Variants in IGFL2 observed in about 807,000 individuals in gnomAD.
IGFL2 encodes insulin growth factor-like family member 2.
IGFL2 carries 7 observed loss-of-function variants against 13.9 expected under a neutral mutation model. The ratio of observed to expected loss-of-function variants is 0.51; its 90% CI spans 0.29 to 0.95. The LOEUF (loss-of-function observed/expected upper bound fraction) is 0.95, where lower values mean the gene tolerates loss of function less well. Ranked by LOEUF, IGFL2 falls within the 40% of genes least tolerant of loss-of-function variation. The pLI is 0.08. For synonymous variants in IGFL2, 55 were observed against 55.8 expected, an observed-to-expected ratio of 0.99 and a Z score of 0.07; for missense variants, 138 against 147.8, an observed-to-expected ratio of 0.93 and a Z score of 0.34.
the IGFL2 span, among the ~76,000 whole-genome samples, chr19:46,136,580 C>A: frequency 6.6e-6 from 1 of 152,084 alleles, no homozygotes; most frequent in Non-Finnish European, 1.5e-5. Flanking sequence ...GTTTATAGTT[C>A]TTGGAATGAC....
chr19:46,170,272 C>T, the IGFL2 span, among the ~76,000 whole-genome samples: 2 of 151,910 alleles, frequency 1.3e-5, no homozygotes, highest in African/African-American at 4.8e-5. Context: ...AATGGAGGGA[C>T]CTGCTGAAGC....
At chr19:46,214,130 C>T in the IGFL2 span, 3 of 152,550 alleles carry the variant, frequency 2.0e-5, no homozygotes, top group Admixed American at 6.5e-5. Context: ...TCCCCCAACG[C>T]GAGGTATTGA....
chr19:46,136,655 A>G, the IGFL2 span: 1 of 424,180 alleles, frequency 2.4e-6, no homozygotes, highest in Non-Finnish European at 4.6e-6. Context: ...GCAGATATTA[A>G]TAAAAAAATA....
chr19:46,135,697 C>G, the IGFL2 span, among the ~76,000 whole-genome samples: 1 of 105,082 alleles, frequency 9.5e-6, no homozygotes, highest in African/African-American at 3.6e-5. Context: ...ATTTCCACCT[C>G]AAAGGGAAGA....
chr19:46,126,971 A>G, the IGFL2 span, among the ~76,000 whole-genome samples: 38 of 152,312 alleles, frequency 2.5e-4, no homozygotes, highest in African/African-American at 8.7e-4. Context: ...AGTCATTCCA[A>G]TTTGAAACTT....
the IGFL2 span, among the ~76,000 whole-genome samples, chr19:46,187,820 G>C: frequency 7.1e-6 from 1 of 141,360 alleles, no homozygotes; most frequent in Admixed American, 7.2e-5. Flanking sequence ...CTGCTGGTGT[G>C]TGCTACGTGC....
At chr19:46,111,983 T>C in the IGFL2 span, 1 of 152,368 alleles carries the variant, frequency 6.6e-6, no homozygotes, top group Non-Finnish European at 1.5e-5. Context: ...CTTTGTTACA[T>C]GGAACTTTTC....
At chr19:46,087,581 T>A in the IGFL2 span, among the ~76,000 whole-genome samples, 1 of 152,246 alleles carries the variant, frequency 6.6e-6, no homozygotes, top group African/African-American at 2.4e-5. Context: ...GGAGCTGCAC[T>A]GCGGCCATGC....
At chr19:46,103,311 A>G in the IGFL2 span, among the ~76,000 whole-genome samples, 1 of 152,194 alleles carries the variant, frequency 6.6e-6, no homozygotes, top group Non-Finnish European at 1.5e-5. Context: ...GGAAAAAGAA[A>G]TGCAAAGCCA....
chr19:46,196,570 GC>G, the IGFL2 span, among the ~76,000 whole-genome samples: 3 of 152,066 alleles, frequency 2.0e-5, no homozygotes, highest in Non-Finnish European at 4.4e-5. Context: ...CCCCTTCCCT[GC>G]CCGACCCCAG....
At chr19:46,184,843 C>T in the IGFL2 span, among the ~76,000 whole-genome samples, 1 of 152,240 alleles carries the variant, frequency 6.6e-6, no homozygotes, top group South Asian at 2.1e-4. Flanking sequence ...TTGTCTTCCA[C>T]AATGGGTGAA....
At chr19:46,167,481 A>C in the IGFL2 span, among the ~76,000 whole-genome samples, 1 of 152,182 alleles carries the variant, frequency 6.6e-6, no homozygotes, top group Non-Finnish European at 1.5e-5. Context: ...CAATGGGGCT[A>C]ATGCAGGCAT....
the IGFL2 span, among the ~76,000 whole-genome samples, chr19:46,109,641 AGAAT>A: frequency 6.6e-6 from 1 of 152,038 alleles, no homozygotes; most frequent in South Asian, 2.1e-4. Context: ...AGGGTGGGGG[AGAAT>A]ATTACAAAGT....
At chr19:46,094,649 G>A in the IGFL2 span, among the ~76,000 whole-genome samples, 5 of 152,104 alleles carry the variant, frequency 3.3e-5, no homozygotes, top group East Asian at 5.8e-4. Flanking sequence ...AGCCCTGCAT[G>A]CGTTAGCTAT....
the IGFL2 span, among the ~76,000 whole-genome samples, chr19:46,178,823 G>T: frequency 6.6e-6 from 1 of 151,940 alleles, no homozygotes; most frequent in Non-Finnish European, 1.5e-5. Context: ...TTATGTCTTT[G>T]CCTGTAGCTT....
chr19:46,081,965 G>C, the IGFL2 span, among the ~76,000 whole-genome samples: 1 of 152,236 alleles, frequency 6.6e-6, no homozygotes, highest in East Asian at 1.9e-4. Flanking sequence ...TGTCAAGAGA[G>C]CTAGTCTAGT....
At chr19:46,126,861 T>G in the IGFL2 span, among the ~76,000 whole-genome samples, 1 of 152,158 alleles carries the variant, frequency 6.6e-6, no homozygotes, top group African/African-American at 2.4e-5. Context: ...TCACTCTGCT[T>G]GTCTGATAGC....
intron 1 of IGFL2, chr19:46,149,175 CTT>C (rs1315722308): frequency 2.7e-5 from 15 of 564,550 alleles, no homozygotes; most frequent in Non-Finnish European, 4.7e-5. Flanking sequence ...CTCTCTCTCT[CTT>C]CTCTCTCTCT....
the IGFL2 span, chr19:46,207,792 T>C: frequency 6.6e-6 from 1 of 152,176 alleles, no homozygotes; most frequent in Non-Finnish European, 1.5e-5. Context: ...AGCTTCATGG[T>C]AGGAACAAGA....
Sources: gnomAD v4.1 joint callset for allele counts (sites outside exome capture counted in the v4.1 genomes callset) on GRCh38, gnomAD v4.1.1 for gene constraint, MANE v1.5 for transcripts, NCBI Gene and HGNC (gene_info 2026-07-23, HGNC 2026-07-21) for gene names.